DLG2: variants seen among roughly 807,000 people sequenced by gnomAD.
DLG2 encodes the protein discs large MAGUK scaffold protein 2.
A neutral mutation model predicts 132.5 loss-of-function variants in DLG2; 45 were observed. The ratio of observed to expected loss-of-function variants is 0.34; its 90% confidence interval spans 0.27 to 0.44. DLG2 has a LOEUF of 0.44. Ranked by LOEUF, DLG2 falls within the 20% of genes least tolerant of loss-of-function variation. The pLI is 1.00. For synonymous variants in DLG2, 424 were observed against 419.6 expected, an observed-to-expected ratio of 1.01 and a Z score of -0.13; for missense variants, 1,045 against 1,196.9, an observed-to-expected ratio of 0.87 and a Z score of 1.87.
At chr11:84,121,854 C>T (rs2093938826) in intron 9 of DLG2, among the ~76,000 whole-genome samples, 2 of 151,372 alleles carry the variant, frequency 1.3e-5, no homozygotes, top group East Asian at 2.0e-4. Flanking sequence ...AGCCACCGCG[C>T]CCAGCCTTTC....
chr11:84,286,999 C>T (rs1242646816), intron 7 of DLG2, among the ~76,000 whole-genome samples: 1 of 152,090 alleles, frequency 6.6e-6, no homozygotes, highest in Non-Finnish European at 1.5e-5. Context: ...ACACTTTGGG[C>T]CTCAGTTTCC....
chr11:84,725,209 T>G (rs2062291759), intron 6 of DLG2, among the ~76,000 whole-genome samples: 1 of 152,182 alleles, frequency 6.6e-6, no homozygotes, highest in Admixed American at 6.5e-5. Context: ...CACTAATAGC[T>G]AATACATCCC....
At chr11:83,590,345 A>G (rs1033323771) in intron 19 of DLG2, among the ~76,000 whole-genome samples, 3 of 152,154 alleles carry the variant, frequency 2.0e-5, no homozygotes, top group East Asian at 3.9e-4. Flanking sequence ...CTCACTCAAA[A>G]CCGCTCAACT....
intron 3 of DLG2, among the ~76,000 whole-genome samples, chr11:85,403,309 G>A (rs1421969649): frequency 6.6e-6 from 1 of 151,976 alleles, no homozygotes; most frequent in Non-Finnish European, 1.5e-5. Flanking sequence ...CATGCACACA[G>A]GGTCGGGTAC....
At chr11:83,953,197 C>G (rs1020290641) in intron 14 of DLG2, among the ~76,000 whole-genome samples, 1 of 152,082 alleles carries the variant, frequency 6.6e-6, no homozygotes, top group Non-Finnish European at 1.5e-5. Context: ...ATATTTTGTT[C>G]AGGTAATTAC....
intron 6 of DLG2, among the ~76,000 whole-genome samples, chr11:85,086,722 G>A (rs1168051240): frequency 6.6e-6 from 1 of 152,094 alleles, no homozygotes; most frequent in Non-Finnish European, 1.5e-5. Flanking sequence ...ATACATAAAT[G>A]CACAAATCAT....
intron 6 of DLG2, among the ~76,000 whole-genome samples, chr11:84,645,381 T>A (rs1309250172): frequency 1.3e-5 from 2 of 152,178 alleles, no homozygotes; most frequent in African/African-American, 4.8e-5. Context: ...GAGGAGCAGA[T>A]TGTAGATCAC....
At chr11:85,175,069 A>T (rs1221893549) in intron 4 of DLG2, among the ~76,000 whole-genome samples, 1 of 152,184 alleles carries the variant, frequency 6.6e-6, no homozygotes, top group African/African-American at 2.4e-5. Flanking sequence ...TTCTAATGAA[A>T]CTATTCCAAA....
At chr11:85,267,478 T>C (rs529640052) in intron 4 of DLG2, among the ~76,000 whole-genome samples, 1 of 152,290 alleles carries the variant, frequency 6.6e-6, no homozygotes, top group African/African-American at 2.4e-5. Context: ...AGAGATCTGA[T>C]CTCACTTATT....
intron 19 of DLG2, among the ~76,000 whole-genome samples, chr11:83,542,185 C>G (rs1290667622): frequency 6.6e-6 from 1 of 151,972 alleles, no homozygotes; most frequent in Non-Finnish European, 1.5e-5. Context: ...TTTTTTTCCC[C>G]TCCCATTACA....
At chr11:85,288,918 G>A (rs1354424134) in intron 3 of DLG2, among the ~76,000 whole-genome samples, 10 of 151,990 alleles carry the variant, frequency 6.6e-5, no homozygotes, top group East Asian at 1.9e-4. Flanking sequence ...TCATACTCAC[G>A]CTATGCATTT....
intron 4 of DLG2, among the ~76,000 whole-genome samples, chr11:85,229,528 T>G (rs563800559): frequency 6.6e-6 from 1 of 152,218 alleles, no homozygotes; most frequent in East Asian, 1.9e-4. Flanking sequence ...AGGAATGCTT[T>G]TACACTGTTG....
rs149398554 is a variant in DLG2, at chr11:84,277,696, A to G, written c.520-26405T>C. On this transcript the variant is annotated intron_variant, in intron 7 of 27. Transcript: ENST00000376104. ...ATAGCAAATTAAACCCAAAGTAGGC[A>G]AATGAAAGGAAATAAAAAATAACAG... 5.3e-3 allele frequency among the ~76,000 whole-genome samples: 811 copies of G among 152,330 alleles called. 2 individuals carry two copies. Among genetic ancestry groups the G allele is most frequent in the Non-Finnish European group, 8.3e-3 (562 of 68,024 alleles).
At chr11:84,479,351 G>A (rs990482337) in intron 7 of DLG2, among the ~76,000 whole-genome samples, 2 of 151,952 alleles carry the variant, frequency 1.3e-5, no homozygotes, top group African/African-American at 4.8e-5. Context: ...GTGACGTGAA[G>A]GCTCTGTCTA....
intron 6 of DLG2, among the ~76,000 whole-genome samples, chr11:84,562,281 G>T (rs1438016101): frequency 6.6e-6 from 1 of 152,044 alleles, no homozygotes; most frequent in East Asian, 1.9e-4. Flanking sequence ...TTCTATGACT[G>T]CCTATGTCTC....
chr11:84,069,780 T>C (rs1046016489), intron 10 of DLG2, among the ~76,000 whole-genome samples: 3 of 152,234 alleles, frequency 2.0e-5, no homozygotes, highest in East Asian at 1.9e-4. Context: ...CTTTTGGCAC[T>C]TTCCTGGAAA....
intron 11 of DLG2, among the ~76,000 whole-genome samples, chr11:84,021,584 C>A (rs1336740325): frequency 6.6e-6 from 1 of 152,088 alleles, no homozygotes; most frequent in Non-Finnish European, 1.5e-5. Flanking sequence ...AAGTATGAGT[C>A]CATGACAGTA....
At chr11:85,094,327 G>A (rs1017171972) in intron 6 of DLG2, among the ~76,000 whole-genome samples, 5 of 152,186 alleles carry the variant, frequency 3.3e-5, no homozygotes, top group African/African-American at 1.2e-4. Flanking sequence ...AAAGTGACCA[G>A]GTCCATAAGT....
At chr11:84,157,929 C>G (rs765381189) in intron 9 of DLG2, among the ~76,000 whole-genome samples, 1 of 152,076 alleles carries the variant, frequency 6.6e-6, no homozygotes, top group Non-Finnish European at 1.5e-5. Flanking sequence ...AGGGCTTTTT[C>G]TTTTCTTTTA....
Sources: allele counts gnomAD v4.1 joint callset (sites outside exome capture counted in the v4.1 genomes callset), GRCh38; gene constraint gnomAD v4.1.1; transcripts MANE v1.5; gene names NCBI Gene and HGNC (gene_info 2026-07-23, HGNC 2026-07-21).